The following PTPRG variants were observed in gnomAD, a reference collection of about 807,000 sequenced individuals.
The protein encoded by PTPRG is receptor-type tyrosine-protein phosphatase gamma.
PTPRG carries 102 observed loss-of-function variants against 165.3 expected under a neutral mutation model. That is an observed-to-expected ratio of 0.62 (90% CI 0.53 to 0.73). PTPRG has a LOEUF of 0.73. PTPRG is among the 30% of genes least tolerant of loss of function. The pLI, the probability that PTPRG is intolerant of heterozygous loss-of-function variation, is 0.00. For missense variants in PTPRG, 1,866 were observed against 1,861.4 expected (o/e 1.00, Z -0.05); for synonymous variants, 675 against 669.5 (o/e 1.01, Z -0.13).
intron 6 of PTPRG, among the ~76,000 whole-genome samples, chr3:62,148,624 G>C (rs2106669125): frequency 6.6e-6 from 1 of 152,074 alleles, no homozygotes; most frequent in African/African-American, 2.4e-5. Flanking sequence ...AATTAGTTGG[G>C]CGTGGTGGCG....
intron 13 of PTPRG, 27 bp from the exon 14 acceptor site, chr3:62,231,198 G>A (rs1442075524): frequency 6.6e-7 from 1 of 1,508,418 alleles, no homozygotes; most frequent in Non-Finnish European, 8.9e-7. Flanking sequence ...TTCTACACCT[G>A]TTCTCTTTTG....
intron 2 of PTPRG, among the ~76,000 whole-genome samples, chr3:61,956,701 A>T (rs1456114064): frequency 1.3e-5 from 2 of 152,138 alleles, no homozygotes; most frequent in Non-Finnish European, 2.9e-5. Context: ...CTATACTAAG[A>T]CTTCTCATAT....
intron 12 of PTPRG, among the ~76,000 whole-genome samples, chr3:62,209,517 C>G (rs556390148): frequency 6.6e-6 from 1 of 152,306 alleles, no homozygotes; most frequent in African/African-American, 2.4e-5. Context: ...ATTGGGAGCA[C>G]TGCAGCATGC....
At chr3:61,674,748 CT>C (rs1225360472) in intron 1 of PTPRG, among the ~76,000 whole-genome samples, 1 of 152,134 alleles carries the variant, frequency 6.6e-6, no homozygotes, top group African/African-American at 2.4e-5. Flanking sequence ...CCTGGAATGT[CT>C]TTCAAACTCT....
intron 1 of PTPRG, among the ~76,000 whole-genome samples, chr3:61,617,518 A>G (rs1701329994): frequency 6.6e-6 from 1 of 152,212 alleles, no homozygotes; most frequent in Non-Finnish European, 1.5e-5. Context: ...ACTTCCAAGA[A>G]CCAGATGGCC....
At chr3:61,565,776 A>G (rs1438746689) in intron 1 of PTPRG, among the ~76,000 whole-genome samples, 1 of 151,304 alleles carries the variant, frequency 6.6e-6, no homozygotes, top group Non-Finnish European at 1.5e-5. Flanking sequence ...AGGCTCCATG[A>G]TTAATGTCGG....
At chr3:62,093,493 C>A (rs968715308) in intron 5 of PTPRG, among the ~76,000 whole-genome samples, 1 of 152,150 alleles carries the variant, frequency 6.6e-6, no homozygotes, top group Non-Finnish European at 1.5e-5. Flanking sequence ...TGGAGGGGAG[C>A]GTGGTCATTT....
rs574254333 is a variant in PTPRG, at chr3:61,665,148, G to C, written c.86-83730G>C. On this transcript the variant is annotated intron_variant, in intron 1 of 29. Coordinates refer to ENST00000474889, the MANE Select transcript of PTPRG (RefSeq NM_002841.4). ...TTAGGAAAGGAAATCTTGTGTAGTA[G>C]GTAGGGGCTAATCTTCACCACACAA... Among the ~76,000 whole-genome samples, 24 of 152,264 alleles carry C rather than the reference G, an allele frequency of 1.6e-4. No homozygotes were observed. The South Asian group carries it at 5.0e-3, about 32-fold the overall frequency.
At chr3:61,781,340 C>A (rs2034538208) in intron 2 of PTPRG, among the ~76,000 whole-genome samples, 1 of 152,116 alleles carries the variant, frequency 6.6e-6, no homozygotes, top group African/African-American at 2.4e-5. Flanking sequence ...GGTATATGAG[C>A]ATTTAGTCTG....
intron 4 of PTPRG, among the ~76,000 whole-genome samples, chr3:62,072,909 A>C (rs1372748571): frequency 6.6e-6 from 1 of 152,164 alleles, no homozygotes; most frequent in Non-Finnish European, 1.5e-5. Flanking sequence ...GGCCAATTCT[A>C]GGGATAGGGC....
At chr3:61,710,507 C>T (rs1368159986) in intron 1 of PTPRG, among the ~76,000 whole-genome samples, 2 of 152,146 alleles carry the variant, frequency 1.3e-5, no homozygotes, top group Non-Finnish European at 2.9e-5. Flanking sequence ...CAGATCATTC[C>T]AAGCTTGTCC....
chr3:62,237,691 C>A lies in PTPRG; in HGVS notation c.2376-6116C>A, dbSNP rs1192012250. ...GTCCAAGAGAAAATATTCCTAATCA[C>A]AAGCTTCATGTGTCCCATGTGGGCT... On this transcript the variant is annotated intron_variant, in intron 14 of 29. Coordinates refer to ENST00000474889, the MANE Select transcript of PTPRG (RefSeq NM_002841.4). The surrounding 1 kb of genome is among the most constrained non-coding windows in gnomAD (Gnocchi z 4.5). Among the ~76,000 whole-genome samples the A allele has an allele frequency of 6.6e-6, 1 of 152,194 alleles. No homozygotes were observed. Among genetic ancestry groups the A allele is most frequent in the Admixed American group, 6.5e-5 (1 of 15,276 alleles).
intron 2 of PTPRG, among the ~76,000 whole-genome samples, chr3:61,855,575 A>T (rs901529854): frequency 6.6e-5 from 10 of 152,084 alleles, no homozygotes; most frequent in African/African-American, 2.4e-4. Flanking sequence ...ATAGCTTTAA[A>T]ATGTTCATGT....
At chr3:61,888,251 G>T (rs562271173) in intron 2 of PTPRG, among the ~76,000 whole-genome samples, 2 of 151,986 alleles carry the variant, frequency 1.3e-5, no homozygotes, top group South Asian at 4.2e-4. Context: ...GTATTTATTA[G>T]TGAAGTTTTA....
At chr3:61,932,304 C>T (rs774952937) in intron 2 of PTPRG, among the ~76,000 whole-genome samples, 5 of 152,158 alleles carry the variant, frequency 3.3e-5, no homozygotes, top group South Asian at 2.1e-4. Context: ...ATGTGGGCAT[C>T]GGTGTTGAAC....
At position 62,245,043 on chromosome 3, in the gene PTPRG, C is replaced by G. The variant is rs911453962; in HGVS notation, c.2467+1145C>G. Among the ~76,000 whole-genome samples, 5 of 152,084 alleles carry G rather than the reference C, an allele frequency of 3.3e-5. No homozygotes were observed. The highest frequency in any genetic ancestry group is 1.2e-4 in the African/African-American group (5 of 41,404). On this transcript the variant is annotated intron_variant, in intron 15 of 29. Transcript: ENST00000474889. This position sits in a 1 kb window ranked among gnomAD's most constrained non-coding sequence, Gnocchi z 4.2. ...AGTCATTAGATATTACTGGGATTGT[C>G]CATGTTTTGTACATTCTAGTCAGCT...
In PTPRG at chr3:62,275,898, A is replaced by C; in HGVS notation, c.3491A>C (p.Tyr1164Ser). The change falls in exon 24 of 30, where the codon TAT becomes TCT. Residue 1164 changes from tyrosine to serine, a missense_variant. Tyr to Ser is a moderately radical substitution (Grantham distance 144). Coordinates refer to ENST00000474889, the MANE Select transcript of PTPRG (RefSeq NM_002841.4). ...FKLVTQCNAKYVECFSAQKEC... is the reference protein window; with the variant it reads ...FKLVTQCNAKSVECFSAQKEC... The stretch of plus-strand genomic sequence containing the variant: ...CTGGTCACACAGTGTAATGCAAAAT[A>C]TGTGGAATGTTTCAGTGCTCAGAAA... The C allele has an allele frequency of 2.5e-6, 4 of 1,611,448 alleles. No homozygotes were observed. Among genetic ancestry groups the C allele is most frequent in the Non-Finnish European group, 3.4e-6 (4 of 1,178,326 alleles).
At chr3:61,703,083 C>G (rs2031060411) in intron 1 of PTPRG, among the ~76,000 whole-genome samples, 1 of 152,054 alleles carries the variant, frequency 6.6e-6, no homozygotes, top group South Asian at 2.1e-4. Flanking sequence ...GGCTCGTTAC[C>G]ACTACCCTCT....
chr3:62,013,508 T>C (rs929022159), intron 4 of PTPRG, among the ~76,000 whole-genome samples: 3 of 152,224 alleles, frequency 2.0e-5, no homozygotes, highest in African/African-American at 7.2e-5. Flanking sequence ...AGAGGGACTA[T>C]AGTTAATAAA....
Sources: allele counts gnomAD v4.1 joint callset (sites outside exome capture counted in the v4.1 genomes callset), GRCh38; gene constraint gnomAD v4.1.1; non-coding constraint Gnocchi (gnomAD v3.1); transcripts MANE v1.5; gene names NCBI Gene and HGNC (gene_info 2026-07-23, HGNC 2026-07-21).